Variants in ROBO2 observed in about 807,000 individuals in gnomAD.
ROBO2 encodes roundabout homolog 2.
A neutral mutation model predicts 160.8 loss-of-function variants in ROBO2; 53 were observed. The observed-to-expected ratio is 0.33, with a 90% CI of 0.26 to 0.41. The LOEUF (loss-of-function observed/expected upper bound fraction) is 0.41, where lower values mean the gene tolerates loss of function less well. Ranked by LOEUF, ROBO2 falls within the 10% of genes least tolerant of loss-of-function variation. The pLI is 1.00. For missense variants in ROBO2, 1,577 were observed against 1,722.4 expected (o/e 0.92, Z 1.49); for synonymous variants, 664 against 611.7 (o/e 1.09, Z -1.26).
At position 76,728,677 on chromosome 3, in the gene ROBO2, A is replaced by G. The variant is rs539523065; in HGVS notation, c.110-369337A>G. Among the ~76,000 whole-genome samples the G allele has an allele frequency of 2.1e-4, 32 of 152,248 alleles. No homozygotes were observed. The Middle Eastern group carries it at 0.01, about 49-fold the overall frequency. ...CAGTTAACTGGTTTTACAGTCAACCATTGTCTAGAAGTTCATCCCTGCAAC... is the reference window on the plus strand; with the variant it reads ...CAGTTAACTGGTTTTACAGTCAACCGTTGTCTAGAAGTTCATCCCTGCAAC... On this transcript the variant is annotated intron_variant, in intron 2 of 26. Transcript: ENST00000487694.
At chr3:77,387,251 C>T (rs1417393738) in intron 2 of ROBO2, among the ~76,000 whole-genome samples, 1 of 150,708 alleles carries the variant, frequency 6.6e-6, no homozygotes, top group South Asian at 2.1e-4. Flanking sequence ...TGCTGTAATC[C>T]TCACACTTTG....
rs548467056 is a variant in ROBO2 at position 76,526,037 on chromosome 3, C to T, written c.110-571977C>T. Among the ~76,000 whole-genome samples, 8 of 151,788 alleles carry T rather than the reference C, an allele frequency of 5.3e-5. No individual in the cohort carries two copies. In the South Asian group the frequency reaches 8.3e-4, roughly 16 times the overall value. Reference sequence around the variant, plus strand: ...AAAACAGATGACAAATCATTCAAATCGTTGATTTAAAGAAAAAAAAACAAG... The same window carrying T: ...AAAACAGATGACAAATCATTCAAATTGTTGATTTAAAGAAAAAAAAACAAG... On this transcript the variant is annotated intron_variant, in intron 2 of 26. Transcript: ENST00000487694.
chr3:76,774,825 T>TC (rs397751203), intron 2 of ROBO2, among the ~76,000 whole-genome samples: 13 of 150,160 alleles, frequency 8.7e-5, no homozygotes, highest in Non-Finnish European at 7.5e-5. Context: ...TTTTTTTTTT[T>TC]CCCGAGAGGT....
intron 2 of ROBO2, among the ~76,000 whole-genome samples, chr3:76,458,302 C>T (rs1432605057): frequency 1.3e-5 from 2 of 152,096 alleles, no homozygotes; most frequent in Non-Finnish European, 2.9e-5. Context: ...CCAAGTCCCA[C>T]AATCTGTAGG....
intron 2 of ROBO2, among the ~76,000 whole-genome samples, chr3:77,381,578 T>G (rs1159026104): frequency 6.6e-6 from 1 of 152,220 alleles, no homozygotes; most frequent in African/African-American, 2.4e-5. Context: ...TATTTTTGCA[T>G]CTTCCTGACA....
chr3:76,973,429 T>C (rs912252512), intron 2 of ROBO2, among the ~76,000 whole-genome samples: 1 of 152,064 alleles, frequency 6.6e-6, no homozygotes, highest in Non-Finnish European at 1.5e-5. Flanking sequence ...ATTATAAAGT[T>C]CAAGTTATAA....
chr3:76,666,032 TTA>T (rs2092031467), intron 2 of ROBO2, among the ~76,000 whole-genome samples: 2 of 123,008 alleles, frequency 1.6e-5, no homozygotes, highest in South Asian at 2.3e-4. Context: ...ATTATATATA[TTA>T]TATATATACT....
chr3:77,558,659 C>A (rs982253121), intron 9 of ROBO2, among the ~76,000 whole-genome samples: 10 of 151,918 alleles, frequency 6.6e-5, no homozygotes, highest in Non-Finnish European at 1.5e-4. Context: ...GATTTAAACC[C>A]ATGGAAAGAA....
intron 2 of ROBO2, among the ~76,000 whole-genome samples, chr3:75,994,532 T>C (rs747574023): frequency 6.6e-6 from 1 of 152,214 alleles, no homozygotes; most frequent in African/African-American, 2.4e-5. Context: ...ATTTTCTCTC[T>C]TCACCCTTTG....
rs188903280 is a variant in ROBO2 at position 77,052,436 on chromosome 3, G to A, written c.61+11590G>A. Among the ~76,000 whole-genome samples, 308 of 152,268 alleles carry A rather than the reference G, an allele frequency of 2.0e-3. 3 individuals are homozygous for A. The highest frequency in any genetic ancestry group is 6.8e-3 in the Middle Eastern group (2 of 292). ...GTGAGAATGCCCTACTCAGTGAATA[G>A]CATCAGTCAGCTGCCTTTGAGATCG... On this transcript the variant is annotated intron_variant, in intron 1 of 25. Coordinates refer to ENST00000461745, the Ensembl canonical transcript of ROBO2.
At chr3:76,298,189 A>T (rs527287034) in intron 2 of ROBO2, among the ~76,000 whole-genome samples, 2 of 152,298 alleles carry the variant, frequency 1.3e-5, no homozygotes, top group East Asian at 3.9e-4. Context: ...TGTAGTGACT[A>T]TTCTGTGCAA....
At chr3:77,481,213 G>A in exon 4 of ROBO2, 1 of 1,534,934 alleles carries the variant, frequency 6.5e-7, no homozygotes. Context: ...AGAGCTGACT[G>A]TCTTTGGTAA....
chr3:76,114,630 C>T (rs1025538346), intron 2 of ROBO2, among the ~76,000 whole-genome samples: 1 of 151,938 alleles, frequency 6.6e-6, no homozygotes, highest in African/African-American at 2.4e-5. Context: ...CCCAATATCA[C>T]CCACCTAGTA....
At chr3:77,158,422 G>T (rs1003981759) in intron 2 of ROBO2, among the ~76,000 whole-genome samples, 16 of 152,092 alleles carry the variant, frequency 1.1e-4, no homozygotes, top group African/African-American at 3.6e-4. Flanking sequence ...CAAACCATAT[G>T]AGGTAAGTTA....
At chr3:77,497,221 G>A (rs2086904707) in intron 5 of ROBO2, among the ~76,000 whole-genome samples, 1 of 152,068 alleles carries the variant, frequency 6.6e-6, no homozygotes, top group Non-Finnish European at 1.5e-5. Flanking sequence ...TACTGATTCT[G>A]TGCCAAGTAC....
Position 75,955,531 on chromosome 3 carries a change from G to A in ROBO2, c.109+17929G>A, listed in dbSNP as rs539089553. On this transcript the variant is annotated intron_variant, in intron 2 of 26. Transcript: ENST00000487694. ...GATGGCATTAGGAGATATACCTAAT[G>A]TAAATGACGAGTTAATGGGTGCAGC... Among the ~76,000 whole-genome samples the A allele has an allele frequency of 6.6e-5, 10 of 151,592 alleles. No individual in the cohort carries two copies. The East Asian group carries it at 2.0e-3, about 30-fold the overall frequency.
chr3:77,086,692 G>C (rs898296866), intron 1 of ROBO2, among the ~76,000 whole-genome samples: 1 of 152,038 alleles, frequency 6.6e-6, no homozygotes, highest in Non-Finnish European at 1.5e-5. Context: ...AATGAACAAG[G>C]CTAAAATCAG....
intron 2 of ROBO2, among the ~76,000 whole-genome samples, chr3:76,322,164 G>GTATATATCTATA (rs2072588732): frequency 9.2e-6 from 1 of 108,156 alleles, no homozygotes; most frequent in Non-Finnish European, 1.8e-5. Flanking sequence ...TACTTCTTCC[G>GTATATATCTATA]TATATATATA....
In ROBO2 at chr3:76,273,120, AATATATATATAT is replaced by A. The variant is rs749043409; in HGVS notation, c.109+335534_109+335545del. 9.6e-4 allele frequency among the ~76,000 whole-genome samples: 31 copies of A among 32,356 alleles called. 1 individual carries two copies. Among genetic ancestry groups the A allele is most frequent in the African/African-American group, 1.8e-3 (31 of 17,594 alleles). 21.2% of individuals were successfully genotyped at this position (32,356 alleles called of 152,430 possible). On this transcript the variant is annotated intron_variant, in intron 2 of 26. Transcript: ENST00000487694. The stretch of plus-strand genomic sequence containing the variant: ...ACACACATATACACACACACATATA[AATATATATATAT>A]ATATATATATATATACACATTTCTA...
Sources: gnomAD v4.1 joint callset for allele counts (sites outside exome capture counted in the v4.1 genomes callset) on GRCh38, gnomAD v4.1.1 for gene constraint, MANE v1.5 for transcripts, NCBI Gene and HGNC (gene_info 2026-07-23, HGNC 2026-07-21) for gene names.